The following TSEN15 variants were observed in gnomAD, a reference collection of about 807,000 sequenced individuals.
TSEN15 encodes tRNA splicing endonuclease subunit 15, also known as tRNA-splicing endonuclease subunit Sen15.
Under a neutral mutation model 20.5 loss-of-function variants are expected in TSEN15, and 10 were observed. That is an observed-to-expected ratio of 0.49 (90% CI 0.30 to 0.83). TSEN15 has a LOEUF of 0.83. TSEN15 is among the 40% of genes least tolerant of loss of function. TSEN15 has a pLI of 0.06. For missense variants in TSEN15, 180 were observed against 218.6 expected (o/e 0.82, Z 1.11); for synonymous variants, 72 against 80.1 (o/e 0.90, Z 0.54).
intron 3 of TSEN15, among the ~76,000 whole-genome samples, chr1:184,060,433 A>G (rs1345158912): frequency 1.3e-5 from 2 of 152,246 alleles, no homozygotes; most frequent in Non-Finnish European, 2.9e-5. Flanking sequence ...CCTGCCCCTG[A>G]AGCATGTCTG....
At chr1:184,055,871 T>G (rs1650233656) in intron 3 of TSEN15, among the ~76,000 whole-genome samples, 1 of 152,148 alleles carries the variant, frequency 6.6e-6, no homozygotes, top group Admixed American at 6.6e-5. Flanking sequence ...AACTAACATC[T>G]AATCTTATAA....
At chr1:184,093,338 G>C (rs1261120283) in intron 3 of TSEN15, among the ~76,000 whole-genome samples, 1 of 152,176 alleles carries the variant, frequency 6.6e-6, no homozygotes, top group Non-Finnish European at 1.5e-5. Context: ...CCCCTTGGAG[G>C]CAGGGTGGTG....
intron 3 of TSEN15, chr1:184,058,380 C>T (rs557722653): frequency 5.4e-6 from 1 of 186,814 alleles, no homozygotes; most frequent in South Asian, 9.8e-5. Context: ...CTGATACATA[C>T]TAGATTTATA....
At position 184,054,937 on chromosome 1, in the gene TSEN15, A is replaced by G. The variant is rs564359215; in HGVS notation, c.353+74A>G. On this transcript the variant is annotated intron_variant, in intron 3 of 4. Transcript: ENST00000645668. ...GAAACATTAAACATAGTGATGTAAT[A>G]CTTTTAATGAAATTTGGGATACAGG... The G allele has an allele frequency of 2.3e-5, 34 of 1,482,658 alleles. No homozygotes were observed. The African/African-American group carries it at 3.5e-4, about 15-fold the overall frequency. The allele number at this position is 1,482,658 out of a possible 1,614,324, so 91.8% of individuals were successfully genotyped here. A position where few individuals can be genotyped will look rare whatever the true frequency, so the allele number is the denominator to read the frequency against.
chr1:184,095,163 G>C (rs1469361203), intron 3 of TSEN15: 1 of 398,174 alleles, frequency 2.5e-6, no homozygotes, highest in African/African-American at 2.1e-5. Flanking sequence ...TGACTGAACA[G>C]AGTGCCCATG....
intron 3 of TSEN15, chr1:184,095,657 C>G (rs1027620065): frequency 2.6e-6 from 1 of 391,784 alleles, no homozygotes; most frequent in African/African-American, 2.2e-5. Flanking sequence ...CTCTCTCTCT[C>G]TCTCTCTCTC....
At chr1:184,091,181 T>C (rs1374439145) in intron 3 of TSEN15, among the ~76,000 whole-genome samples, 2 of 152,098 alleles carry the variant, frequency 1.3e-5, no homozygotes, top group Non-Finnish European at 2.9e-5. Context: ...TCAAAGCACA[T>C]GTATCTCTTG....
At chr1:184,095,019 A>C (rs1651423507) in intron 3 of TSEN15, 2 of 398,510 alleles carry the variant, frequency 5.0e-6, no homozygotes, top group Non-Finnish European at 8.8e-6. Context: ...CCTGTTTTAC[A>C]CATTTATCCA....
chr1:184,072,102 A>T, intron 3 of TSEN15, 55 bp from the exon 4 acceptor site: 2 of 1,567,364 alleles, frequency 1.3e-6, no homozygotes, highest in Non-Finnish European at 1.7e-6. Flanking sequence ...CTTCTGTCAC[A>T]TCTCATCTAA....
At chr1:184,068,959 G>T (rs1650787929) in intron 3 of TSEN15, among the ~76,000 whole-genome samples, 1 of 152,124 alleles carries the variant, frequency 6.6e-6, no homozygotes, top group Non-Finnish European at 1.5e-5. Flanking sequence ...TAAAAGTAAT[G>T]CGGTCTTCAA....
At chr1:184,091,418 T>A (rs1337463297) in intron 3 of TSEN15, among the ~76,000 whole-genome samples, 1 of 148,694 alleles carries the variant, frequency 6.7e-6, no homozygotes, top group African/African-American at 2.6e-5. Flanking sequence ...TCTAAAATAG[T>A]GATGATAATT....
chr1:184,067,568 A>G (rs572593327), intron 3 of TSEN15, among the ~76,000 whole-genome samples: 2 of 152,244 alleles, frequency 1.3e-5, no homozygotes, highest in East Asian at 3.9e-4. Context: ...TAATACCTTA[A>G]AGAACATAAG....
rs371167998 is a variant in TSEN15, at chr1:184,072,122, C to T, written c.354-35C>T. ...GTCACATCTCATCTAATTGAGTGAC[C>T]GCAACTCCTAAGTATATTGTGACTT... On this transcript the variant is annotated intron_variant, in intron 3 of 4. Coordinates refer to ENST00000645668, the MANE Select transcript of TSEN15 (RefSeq NM_052965.4). 81 of 1,603,554 alleles carry T rather than the reference C, an allele frequency of 5.1e-5. No individual in the cohort carries two copies. In the African/African-American group the frequency reaches 6.7e-4, roughly 13 times the overall value.
downstream of TSEN15, among the ~76,000 whole-genome samples, chr1:184,078,042 CAG>C (rs1651097590): frequency 6.6e-6 from 1 of 152,070 alleles, no homozygotes; most frequent in Admixed American, 6.6e-5. Context: ...CAAGTAGCAT[CAG>C]AGTCTACAGA....
At chr1:184,071,938 C>A in intron 3 of TSEN15, 1 of 442,604 alleles carries the variant, frequency 2.3e-6, no homozygotes, top group Non-Finnish European at 3.9e-6. Flanking sequence ...CTATACCATT[C>A]TCTTTCCTTT....
chr1:184,086,890 G>A (rs1399879154), intron 3 of TSEN15, among the ~76,000 whole-genome samples: 1 of 152,142 alleles, frequency 6.6e-6, no homozygotes, highest in Admixed American at 6.5e-5. Context: ...CATACTAGGG[G>A]GAGGTGTATT....
chr1:184,063,324 C>A (rs1322097346), intron 3 of TSEN15, among the ~76,000 whole-genome samples: 1 of 152,164 alleles, frequency 6.6e-6, no homozygotes, highest in Non-Finnish European at 1.5e-5. Flanking sequence ...CCTTTGCAAG[C>A]TTAGCTACCA....
intron 3 of TSEN15, among the ~76,000 whole-genome samples, chr1:184,063,233 T>C (rs991295630): frequency 6.6e-6 from 1 of 152,164 alleles, no homozygotes; most frequent in Non-Finnish European, 1.5e-5. Context: ...GACAAAAATA[T>C]TTCAAAAGTT....
rs570783058 is a variant in TSEN15, at chr1:184,053,501, C to T, written c.136-853C>T. Among the ~76,000 whole-genome samples the T allele has an allele frequency of 9.9e-5, 15 of 152,246 alleles. No individual in the cohort carries two copies. In the South Asian group the frequency reaches 3.1e-3, roughly 32 times the overall value. On this transcript the variant is annotated intron_variant, in intron 1 of 4. Transcript: ENST00000645668. ...TGTTTGAAGTCGACAACTAATTAAC[C>T]CCTGTCCTCCTGAACCTGTACAGTT...
Sources: allele counts gnomAD v4.1 joint callset (sites outside exome capture counted in the v4.1 genomes callset), GRCh38; gene constraint gnomAD v4.1.1; transcripts MANE v1.5; gene names NCBI Gene and HGNC (gene_info 2026-07-23, HGNC 2026-07-21).